The following STX18 variants were observed in gnomAD, a reference collection of about 807,000 sequenced individuals.
STX18 encodes the protein syntaxin-18.
In STX18, 40 loss-of-function variants were observed where a neutral mutation model predicts 50.1. The ratio of observed to expected loss-of-function variants is 0.80; its 90% confidence interval spans 0.62 to 1.04. The LOEUF (loss-of-function observed/expected upper bound fraction) is 1.04. STX18 is among the 50% of genes least tolerant of loss of function. STX18 has a pLI of 0.00. For synonymous variants in STX18, 158 were observed against 151.8 expected (o/e 1.04, Z -0.30); for missense variants, 410 against 415.8 (o/e 0.99, Z 0.12).
intron 1 of STX18, among the ~76,000 whole-genome samples, chr4:4,523,221 A>G (rs1280898560): frequency 1.3e-5 from 2 of 152,150 alleles, no homozygotes; most frequent in Non-Finnish European, 2.9e-5. Context: ...ACTTGGAGGG[A>G]TCCACAGGCC....
intron 6 of STX18, among the ~76,000 whole-genome samples, chr4:4,437,374 T>G (rs1725846427): frequency 6.6e-6 from 1 of 152,274 alleles, no homozygotes; most frequent in East Asian, 1.9e-4. Context: ...AACTGTGAGC[T>G]CCCTGAGGGC....
At chr4:4,500,451 T>G (rs1025862837) in intron 1 of STX18, among the ~76,000 whole-genome samples, 1 of 152,052 alleles carries the variant, frequency 6.6e-6, no homozygotes, top group Admixed American at 6.6e-5. Flanking sequence ...TTGTATTGGG[T>G]TTTATAAGTA....
chr4:4,464,032 A>T (rs1443400082), intron 2 of STX18, among the ~76,000 whole-genome samples: 2 of 152,012 alleles, frequency 1.3e-5, no homozygotes, highest in African/African-American at 2.4e-5. Context: ...TGACAAAGTT[A>T]AAAAAAAGCA....
At chr4:4,421,011 C>T in intron 9 of STX18, 67 bp from the exon 10 acceptor site, 5 of 1,455,288 alleles carry the variant, frequency 3.4e-6, no homozygotes, top group Non-Finnish European at 4.8e-6. Context: ...CAAAATGCTC[C>T]AACGAGCATT....
intron 1 of STX18, among the ~76,000 whole-genome samples, chr4:4,537,552 A>T (rs936770812): frequency 3.3e-5 from 5 of 152,200 alleles, no homozygotes; most frequent in African/African-American, 4.8e-5. Context: ...CCTGGGCTTT[A>T]TGGATAAGAG....
rs1724830343 is a variant in STX18 at position 4,419,785 on chromosome 4, C to T, written c.*249G>A. The T allele has an allele frequency of 2.4e-6, 1 of 413,878 alleles. No individual in the cohort carries two copies. The highest frequency in any genetic ancestry group is 4.4e-6 in the Non-Finnish European group (1 of 225,268). The allele number at this position is 413,878 out of a possible 1,614,324, so 25.6% of individuals were successfully genotyped here. A position where few individuals can be genotyped will look rare whatever the true frequency, so the allele number is the denominator to read the frequency against. The stretch of plus-strand genomic sequence containing the variant: ...CACTCCTGCATTCAGTCTGTCTTGC[C>T]TGATGAGGGCTACGCAGGCTGCCTC... On this transcript the variant is annotated 3_prime_UTR_variant, in exon 11 of 11. Transcript: ENST00000306200.
Position 4,457,188 on chromosome 4 carries a change from T to TA in STX18, c.497+2dup. ...AAGAAACACCAATGAAAGCAATACTTACAATCTTTTCTTATCCACCACTCT... is the reference window on the plus strand; with the variant it reads ...AAGAAACACCAATGAAAGCAATACTTAACAATCTTTTCTTATCCACCACTCT... On this transcript the variant is annotated splice_region_variant and intron_variant, in intron 5 of 10. Transcript: ENST00000306200. 6.2e-7 allele frequency: 1 copy of TA among 1,613,020 alleles called. No homozygotes were observed. The highest frequency in any genetic ancestry group is 8.5e-7 in the Non-Finnish European group (1 of 1,179,038).
At chr4:4,492,602 A>G (rs1483990307) in intron 1 of STX18, among the ~76,000 whole-genome samples, 1 of 152,216 alleles carries the variant, frequency 6.6e-6, no homozygotes, top group Admixed American at 6.5e-5. Flanking sequence ...AGCGTGCCTT[A>G]GTATGACGAT....
rs183149928 is a variant in STX18 at position 4,499,048 on chromosome 4, G to A, written c.169-27342C>T. On this transcript the variant is annotated intron_variant, in intron 1 of 10. Transcript: ENST00000306200. Reference sequence around the variant, plus strand: ...AGAAGCTGAAAGTGCCACTTCTTAGGAGAGGAATAACAATTTGAGGCTATC... The same window carrying A: ...AGAAGCTGAAAGTGCCACTTCTTAGAAGAGGAATAACAATTTGAGGCTATC... Among the ~76,000 whole-genome samples, 76 of 152,328 alleles carry A rather than the reference G, an allele frequency of 5.0e-4. 1 individual carries two copies. Among genetic ancestry groups the A allele is most frequent in the Non-Finnish European group, 9.0e-4 (61 of 68,024 alleles).
Position 4,420,646 on chromosome 4 carries a change from G to A in STX18, c.912+218C>T. 1 of 565,102 alleles carries A rather than the reference G, an allele frequency of 1.8e-6. No individual in the cohort carries two copies. The highest frequency in any genetic ancestry group is 3.1e-6 in the Non-Finnish European group (1 of 318,628). The allele number at this position is 565,102 out of a possible 1,614,324, so 35.0% of individuals were successfully genotyped here. ...CCACCCACCCTGGATTGCTCCTTTG[G>A]AGGCTGGTGAGCCACTGCCTCTCGA... On this transcript the variant is annotated intron_variant, in intron 10 of 10. Coordinates refer to ENST00000306200, the MANE Select transcript of STX18 (RefSeq NM_016930.4). This position sits in a 1 kb window ranked among gnomAD's most constrained non-coding sequence, Gnocchi z 4.3.
intron 5 of STX18, among the ~76,000 whole-genome samples, chr4:4,444,017 T>TCTCATCAG (rs779136060): frequency 1.5e-3 from 225 of 152,338 alleles, no homozygotes; most frequent in Middle Eastern, 3.4e-3. Context: ...TATCTTTGTA[T>TCTCATCAG]ACCTGGGGGC....
intron 5 of STX18, among the ~76,000 whole-genome samples, chr4:4,441,189 C>T (rs146120318): frequency 2.0e-5 from 3 of 152,294 alleles, no homozygotes; most frequent in African/African-American, 7.2e-5. Context: ...ATAATTCTGG[C>T]CATATTCTAC....
At chr4:4,512,137 A>G (rs1415811669) in intron 1 of STX18, among the ~76,000 whole-genome samples, 5 of 152,076 alleles carry the variant, frequency 3.3e-5, no homozygotes, top group Non-Finnish European at 7.3e-5. Flanking sequence ...GCAAGGATAC[A>G]GCTAGCCTCT....
At chr4:4,535,446 A>C (rs1364005403) in intron 1 of STX18, among the ~76,000 whole-genome samples, 1 of 152,138 alleles carries the variant, frequency 6.6e-6, no homozygotes, top group Non-Finnish European at 1.5e-5. Context: ...AATCCATAAA[A>C]ACACAGCATC....
chr4:4,447,120 A>T (rs1009953419), intron 5 of STX18, among the ~76,000 whole-genome samples: 36 of 152,218 alleles, frequency 2.4e-4, no homozygotes, highest in Admixed American at 3.3e-4. Context: ...AGCATCTATG[A>T]CTTAATATTT....
At chr4:4,512,473 G>A (rs1730049329) in intron 1 of STX18, among the ~76,000 whole-genome samples, 1 of 152,150 alleles carries the variant, frequency 6.6e-6, no homozygotes. Flanking sequence ...TGAAGCCAGA[G>A]TGGGGATGAG....
chr4:4,496,937 A>G (rs956090161), intron 1 of STX18, among the ~76,000 whole-genome samples: 6 of 152,246 alleles, frequency 3.9e-5, no homozygotes, highest in Non-Finnish European at 8.8e-5. Context: ...TCATAAGGCC[A>G]GGACAAACTA....
At chr4:4,527,934 A>G (rs1730875092) in intron 1 of STX18, among the ~76,000 whole-genome samples, 1 of 151,646 alleles carries the variant, frequency 6.6e-6, no homozygotes, top group Non-Finnish European at 1.5e-5. Flanking sequence ...AGTTCTGGGC[A>G]TGGGGAAGAC....
chr4:4,479,140 T>G (rs34531645), intron 1 of STX18, among the ~76,000 whole-genome samples: 5,486 of 152,294 alleles, frequency 0.036, 115 homozygotes, highest in Non-Finnish European at 0.05. Flanking sequence ...TCAATTTTTA[T>G]TGAGTACTAC....
Sources: allele counts gnomAD v4.1 joint callset (sites outside exome capture counted in the v4.1 genomes callset), GRCh38; gene constraint gnomAD v4.1.1; non-coding constraint Gnocchi (gnomAD v3.1); transcripts MANE v1.5; gene names NCBI Gene and HGNC (gene_info 2026-07-23, HGNC 2026-07-21).